Variants in BIRC6 observed in about 807,000 individuals in gnomAD.
BIRC6 encodes the protein baculoviral IAP repeat containing 6.
In BIRC6, 98 loss-of-function variants were observed where a neutral mutation model predicts 503.3. The observed-to-expected ratio is 0.19, with a 90% CI of 0.17 to 0.23. The LOEUF is 0.23. BIRC6 is among the 10% of genes least tolerant of loss of function. The probability of loss-of-function intolerance (pLI) is 1.00; values close to 1 mark genes in which losing one functional copy is unlikely to be tolerated. For missense variants in BIRC6, 5,360 were observed against 5,806.0 expected, an observed-to-expected ratio of 0.92 and a Z score of 2.50; for synonymous variants, 2,240 against 2,078.7, an observed-to-expected ratio of 1.08 and a Z score of -2.11.
At chr2:32,385,451 C>G (rs1024042274) in intron 3 of BIRC6, among the ~76,000 whole-genome samples, 21 of 152,166 alleles carry the variant, frequency 1.4e-4, no homozygotes, top group South Asian at 2.1e-4. Flanking sequence ...TTGGACAGCT[C>G]TGAATTTGTA....
chr2:32,475,196 A>ACAC (rs1197726605), intron 33 of BIRC6, among the ~76,000 whole-genome samples: 1 of 150,966 alleles, frequency 6.6e-6, no homozygotes, highest in Admixed American at 6.6e-5. Flanking sequence ...AATAGTAGTA[A>ACAC]TTTAGAAAGT....
chr2:32,599,443 C>T (rs2061901711), intron 69 of BIRC6, among the ~76,000 whole-genome samples: 2 of 151,906 alleles, frequency 1.3e-5, no homozygotes, highest in South Asian at 2.1e-4. Context: ...AGTTTGAGAC[C>T]AGCCTGGACA....
intron 28 of BIRC6, among the ~76,000 whole-genome samples, 157 bp from the exon 29 acceptor site, chr2:32,468,280 T>A (rs181593241): frequency 1.3e-3 from 196 of 152,332 alleles, no homozygotes; most frequent in Middle Eastern, 6.8e-3. Context: ...AATATTGTGA[T>A]TAATTAATGG....
rs58232090 is a variant in BIRC6, at chr2:32,446,738, GTTTTTTTTTTTTTT to G, written c.4484+1090_4484+1103del. 1.8e-3 allele frequency among the ~76,000 whole-genome samples: 63 copies of G among 34,864 alleles called. 1 individual carries two copies. Among genetic ancestry groups the G allele is most frequent in the Admixed American group, 5.4e-3 (10 of 1,844 alleles). 22.9% of individuals were successfully genotyped at this position (34,864 alleles called of 152,430 possible). A position where few individuals can be genotyped will look rare whatever the true frequency, so the allele number is the denominator to read the frequency against. ...TCTAGTCAGCATCTCCCTCTGCGCTGTTTTTTTTTTTTTTTTTTTTTTTTTTTTTTTTTATTGAT... is the reference window on the plus strand; with the variant it reads ...TCTAGTCAGCATCTCCCTCTGCGCTGTTTTTTTTTTTTTTTTTTTATTGAT... On this transcript the variant is annotated intron_variant, in intron 21 of 73. Transcript: ENST00000421745.
At chr2:32,562,710 T>G (rs1237773879) in intron 65 of BIRC6, among the ~76,000 whole-genome samples, 1 of 152,238 alleles carries the variant, frequency 6.6e-6, no homozygotes, top group Non-Finnish European at 1.5e-5. Flanking sequence ...CCTTTTAGAT[T>G]GGCTTCTTTC....
rs964304785 is a variant in BIRC6, at chr2:32,397,339, G to A, written c.1034+1746G>A. On this transcript the variant is annotated intron_variant, in intron 6 of 73. Transcript: ENST00000421745. ...TACAATAAATTATCTGGGCGTGGTG[G>A]TGTGCACCTGTAATTCCAGCTACTC... Among the ~76,000 whole-genome samples the A allele has an allele frequency of 3.3e-5, 5 of 152,012 alleles. No homozygotes were observed. The South Asian group carries it at 8.3e-4, about 25-fold the overall frequency.
chr2:32,403,485 T>C (rs917289365), intron 8 of BIRC6, among the ~76,000 whole-genome samples: 4 of 152,238 alleles, frequency 2.6e-5, no homozygotes, highest in Non-Finnish European at 5.9e-5. Context: ...ATTTGTCTTC[T>C]GAATTAAGGA....
chr2:32,369,963 T>A (rs868346666), intron 1 of BIRC6, among the ~76,000 whole-genome samples: 6 of 54,874 alleles, frequency 1.1e-4, no homozygotes, highest in African/African-American at 3.8e-4. Flanking sequence ...TATATATATA[T>A]ATATATATAT....
intron 71 of BIRC6, among the ~76,000 whole-genome samples, chr2:32,605,981 GTTACT>G (rs1161411891): frequency 6.6e-6 from 1 of 152,142 alleles, no homozygotes; most frequent in African/African-American, 2.4e-5. Context: ...GGTCAAATAC[GTTACT>G]TTCGAGTACT....
intron 66 of BIRC6, among the ~76,000 whole-genome samples, chr2:32,589,368 T>TC (rs2061263024): frequency 6.6e-6 from 1 of 152,184 alleles, no homozygotes; most frequent in Non-Finnish European, 1.5e-5. Flanking sequence ...GTACCCCACT[T>TC]CCTTTTTATA....
intron 55 of BIRC6, among the ~76,000 whole-genome samples, chr2:32,516,133 G>A (rs186652461): frequency 1.8e-4 from 27 of 152,296 alleles, no homozygotes; most frequent in African/African-American, 5.8e-4. Context: ...TTTGTGTAAC[G>A]AGATTGCCAT....
intron 23 of BIRC6, among the ~76,000 whole-genome samples, chr2:32,455,293 T>A (rs2047119837): frequency 6.9e-6 from 1 of 144,584 alleles, no homozygotes; most frequent in Non-Finnish European, 1.5e-5. Flanking sequence ...GGCAGGAGAA[T>A]GGCGTGAACG....
At chr2:32,455,169 G>C (rs1421928518) in intron 23 of BIRC6, among the ~76,000 whole-genome samples, 2 of 151,966 alleles carry the variant, frequency 1.3e-5, no homozygotes, top group Non-Finnish European at 2.9e-5. Context: ...ATGAGGTCAA[G>C]AGATCGAGAC....
intron 22 of BIRC6, among the ~76,000 whole-genome samples, chr2:32,449,519 C>A (rs546844211): frequency 7.9e-5 from 12 of 152,092 alleles, no homozygotes; most frequent in African/African-American, 2.9e-4. Flanking sequence ...AAAAGAGTGA[C>A]CATTTCATTT....
At position 32,530,857 on chromosome 2, in the gene BIRC6, G is replaced by T. The variant is rs1487844310; in HGVS notation, c.12095-498G>T. Among the ~76,000 whole-genome samples the T allele has an allele frequency of 2.6e-5, 4 of 152,244 alleles. No homozygotes were observed. The East Asian group carries it at 7.7e-4, about 29-fold the overall frequency. ...ACGTGACCTTTTGGTTTTCTTTGGT[G>T]AGTAATTCAGAGTTAAACTAATATG... is the stretch of plus-strand genomic sequence containing the variant. On this transcript the variant is annotated intron_variant, in intron 60 of 73. Coordinates refer to ENST00000421745, the MANE Select transcript of BIRC6 (RefSeq NM_016252.4).
chr2:32,427,516 CCTCAGGTGAT>C (rs1301564869), intron 10 of BIRC6, among the ~76,000 whole-genome samples: 1 of 152,140 alleles, frequency 6.6e-6, no homozygotes, highest in African/African-American at 2.4e-5. Context: ...GAACTCCTGA[CCTCAGGTGAT>C]CCGCCCGCCT....
intron 57 of BIRC6, chr2:32,523,367 A>G (rs2055937661): frequency 6.6e-6 from 1 of 152,220 alleles, no homozygotes; most frequent in Non-Finnish European, 1.5e-5. Context: ...CTAAACTTCT[A>G]ATTGCACTAA....
intron 58 of BIRC6, 110 bp from the exon 59 acceptor site, chr2:32,525,354 T>TTTCTGACATTAGCTAGGAATGCA (rs1339464536): frequency 1.0e-5 from 12 of 1,170,460 alleles, no homozygotes; most frequent in Admixed American, 6.4e-5. Context: ...ACATTTCTGT[T>TTTCTGACATTAGCTAGGAATGCA]TTCTGACATT....
At position 32,415,930 on chromosome 2, in the gene BIRC6, A is replaced by C; in HGVS notation, c.2639A>C (p.Asp880Ala). 6.2e-7 allele frequency: 1 copy of C among 1,613,952 alleles called. No individual in the cohort carries two copies. ...GATGACTGTGAGGAACCTATTGAGGACATGCAGTTAACCTCAAAGAATGGT... is the reference window on the plus strand; with the variant it reads ...GATGACTGTGAGGAACCTATTGAGGCCATGCAGTTAACCTCAAAGAATGGT... ...REDDCEEPIE[D>A]MQLTSKNGFE... Residue 880 changes from aspartate (D) to alanine (A), a missense_variant, in exon 10 of 74, where the codon GAC (aspartate) becomes GCC (alanine). Asp to Ala is a moderately radical substitution (Grantham distance 126, BLOSUM62 -2). This residue lies in a region of BIRC6 where 700 missense variants were observed against 739.3 expected (regional missense o/e 0.95). Coordinates refer to ENST00000421745, the MANE Select transcript of BIRC6 (RefSeq NM_016252.4).
Sources: gnomAD v4.1 joint callset for allele counts (sites outside exome capture counted in the v4.1 genomes callset) on GRCh38, gnomAD v4.1.1 for gene constraint, gnomAD v4.1.1 regional missense constraint, MANE v1.5 for transcripts, NCBI Gene and HGNC (gene_info 2026-07-23, HGNC 2026-07-21) for gene names.